Variants in RABEP1 observed in about 807,000 individuals in gnomAD.
RABEP1 encodes rab GTPase-binding effector protein 1.
In RABEP1, 51 loss-of-function variants were observed where a neutral mutation model predicts 123.4. That is an observed-to-expected ratio of 0.41 (90% CI 0.33 to 0.52). The LOEUF (loss-of-function observed/expected upper bound fraction) is 0.52, where lower values mean the gene tolerates loss of function less well. RABEP1 is among the 20% of genes least tolerant of loss of function. RABEP1 has a pLI of 0.16. For synonymous variants in RABEP1, 347 were observed against 355.2 expected (o/e 0.98, Z 0.26); for missense variants, 888 against 996.3 (o/e 0.89, Z 1.46).
chr17:5,295,514 C>A (rs972997315), intron 1 of RABEP1, among the ~76,000 whole-genome samples: 1 of 151,776 alleles, frequency 6.6e-6, no homozygotes, highest in Non-Finnish European at 1.5e-5. Flanking sequence ...TCAAAGGACA[C>A]TGCGGCAAAC....
At chr17:5,302,339 C>A (rs1444849402) in intron 1 of RABEP1, among the ~76,000 whole-genome samples, 1 of 146,352 alleles carries the variant, frequency 6.8e-6, no homozygotes, top group Non-Finnish European at 1.5e-5. Flanking sequence ...CTCCCCAGTT[C>A]AAGCAATTCT....
rs142290224 is a variant in RABEP1, at chr17:5,323,255, T to C, written c.164-8694T>C. On this transcript the variant is annotated intron_variant, in intron 2 of 17. Coordinates refer to ENST00000537505, the MANE Select transcript of RABEP1 (RefSeq NM_004703.6). The stretch of plus-strand genomic sequence containing the variant: ...CATGACAAACCCACAACTAGCATCA[T>C]ACTGGATGGGGAAGAGTTGAAGGCC... Among the ~76,000 whole-genome samples, 26 of 152,254 alleles carry C rather than the reference T, an allele frequency of 1.7e-4. No homozygotes were observed. In the South Asian group the frequency reaches 2.9e-3, roughly 17 times the overall value.
In RABEP1 at chr17:5,373,393, A is replaced by G. The variant is rs1470825390; in HGVS notation, c.1964A>G (p.Lys655Arg). 3 of 1,613,340 alleles carry G rather than the reference A, an allele frequency of 1.9e-6. No individual in the cohort carries two copies. Among genetic ancestry groups the G allele is most frequent in the East Asian group, 4.5e-5 (2 of 44,816 alleles). ...AAAGATAATGACAGTCTCCAGGGAA[A>G]GCACAGCCTGCATGTGTCATTACAG... ...LQKDNDSLQG[K>R]HSLHVSLQQA... The change falls in exon 13 of 18, where the codon AAG (lysine) becomes AGG (arginine). Residue 655 changes from lysine to arginine, a missense_variant. Physicochemically the swap from Lys to Arg is conservative, Grantham distance 26. Transcript: ENST00000537505.
At chr17:5,324,300 C>T (rs779895841) in intron 2 of RABEP1, among the ~76,000 whole-genome samples, 8 of 152,108 alleles carry the variant, frequency 5.3e-5, no homozygotes, top group Non-Finnish European at 1.0e-4. Flanking sequence ...GCAGTCAACT[C>T]ATCTGCAACA....
In RABEP1 at chr17:5,339,502, CTG is replaced by C. The variant is rs1907389643; in HGVS notation, c.648+1366_648+1367del. Among the ~76,000 whole-genome samples, 6 of 152,216 alleles carry C rather than the reference CTG, an allele frequency of 3.9e-5. No homozygotes were observed. In the South Asian group the frequency reaches 1.2e-3, roughly 32 times the overall value. Reference sequence around the variant, plus strand: ...CCAGTCTACGTGATAGAGTGAGACTCTGTCTTAAAAGAAGCCTGGGCGCGGTG... The same window carrying C: ...CCAGTCTACGTGATAGAGTGAGACTCTCTTAAAAGAAGCCTGGGCGCGGTG... On this transcript the variant is annotated intron_variant, in intron 5 of 17. Coordinates refer to ENST00000537505, the MANE Select transcript of RABEP1 (RefSeq NM_004703.6).
chr17:5,386,314 A>G lies in RABEP1; in HGVS notation c.*3091A>G. 1 of 1,365,088 alleles carries G rather than the reference A, an allele frequency of 7.3e-7. No individual in the cohort carries two copies. The highest frequency in any genetic ancestry group is 1.0e-6 in the Non-Finnish European group (1 of 972,242). The allele number at this position is 1,365,088 out of a possible 1,614,324, so 84.6% of individuals were successfully genotyped here. On this transcript the variant is annotated 3_prime_UTR_variant, in exon 18 of 18. Coordinates refer to ENST00000537505, the MANE Select transcript of RABEP1 (RefSeq NM_004703.6). Reference sequence around the variant, plus strand: ...CTCACTTTTGGAATTATAATAAACCATTTATATGGATTCTTAAGAATTTAA... The same window carrying G: ...CTCACTTTTGGAATTATAATAAACCGTTTATATGGATTCTTAAGAATTTAA...
At position 5,355,502 on chromosome 17, in the gene RABEP1, CCT is replaced by C. The variant is rs1197827764; in HGVS notation, c.1095+1017_1095+1018del. Among the ~76,000 whole-genome samples the C allele has an allele frequency of 9.2e-5, 14 of 152,186 alleles. 1 individual carries two copies. Among genetic ancestry groups the C allele is most frequent in the African/African-American group, 3.4e-4 (14 of 41,434 alleles). On this transcript the variant is annotated intron_variant, in intron 8 of 17. Transcript: ENST00000537505. ...TTCCAGCCTCACTTACTGCTCTCCA[CCT>C]CTCTGTAGCCAGACCTGTGCACTTA...
intron 1 of RABEP1, among the ~76,000 whole-genome samples, chr17:5,294,633 C>CTTTTTTTTTTTTTTTTTT (rs1185209680): frequency 1.1e-4 from 6 of 53,026 alleles, no homozygotes; most frequent in Non-Finnish European, 1.7e-4. Context: ...ACGGTATTGT[C>CTTTTTTTTTTTTTTTTTT]TTTTTTTTTT....
intron 15 of RABEP1, 74 bp from the exon 16 acceptor site, chr17:5,380,290 T>G: frequency 1.0e-6 from 1 of 989,992 alleles, no homozygotes. Flanking sequence ...TTCTCCAGGC[T>G]CTAGGCTCTT....
intron 13 of RABEP1, among the ~76,000 whole-genome samples, chr17:5,374,507 G>T (rs1343260993): frequency 6.6e-6 from 1 of 151,748 alleles, no homozygotes; most frequent in African/African-American, 2.4e-5. Flanking sequence ...TGTGATCTTG[G>T]CTCACTGCAA....
chr17:5,381,281 A>C, intron 16 of RABEP1, 108 bp from the exon 17 acceptor site: 1 of 1,497,232 alleles, frequency 6.7e-7, no homozygotes, highest in African/African-American at 1.4e-5. Flanking sequence ...AGTGCGACGG[A>C]TATCCACCCA....
intron 6 of RABEP1, among the ~76,000 whole-genome samples, chr17:5,347,239 G>A (rs1053125959): frequency 1.3e-5 from 2 of 152,042 alleles, no homozygotes; most frequent in Admixed American, 6.6e-5. Context: ...GCGAAAACCC[G>A]TCTCTACTGC....
intron 11 of RABEP1, among the ~76,000 whole-genome samples, chr17:5,365,589 C>T (rs909598544): frequency 1.3e-5 from 2 of 151,794 alleles, no homozygotes; most frequent in South Asian, 2.1e-4. Context: ...AAAACATATA[C>T]AGATACACCA....
At position 5,361,626 on chromosome 17, in the gene RABEP1, G is replaced by A; in HGVS notation, c.1514G>A (p.Ser505Asn). ...QGMESAYVSP[S>N]GYRLVSETEW... ...ATGGAGAGTGCCTATGTGTCCCCTA[G>A]TGGTTATCGTTTAGTTAGTGAAACA... The change falls in exon 9 of 18, where the codon AGT (serine) becomes AAT (asparagine). Residue 505 changes from serine to asparagine, a missense_variant. Coordinates refer to ENST00000537505, the MANE Select transcript of RABEP1 (RefSeq NM_004703.6). 6.2e-7 allele frequency: 1 copy of A among 1,611,890 alleles called. No individual in the cohort carries two copies. Among genetic ancestry groups the A allele is most frequent in the Non-Finnish European group, 8.5e-7 (1 of 1,179,370 alleles).
chr17:5,373,578 A>C, intron 13 of RABEP1, 124 bp downstream of exon 13: 1 of 1,122,014 alleles, frequency 8.9e-7, no homozygotes. Context: ...TTTAAAATGT[A>C]CCATTCAGTG....
intron 12 of RABEP1, 106 bp from the exon 13 acceptor site, chr17:5,373,208 G>C (rs758840544): frequency 3.3e-5 from 34 of 1,031,208 alleles, no homozygotes; most frequent in Non-Finnish European, 4.5e-5. Flanking sequence ...ACCATACCCC[G>C]TCCATCCTCA....
At chr17:5,383,074 A>G (rs780081004) in intron 17 of RABEP1, 48 bp from the exon 18 acceptor site, 2 of 1,542,804 alleles carry the variant, frequency 1.3e-6, no homozygotes, top group East Asian at 4.5e-5. Flanking sequence ...AAAGTTCAGA[A>G]AATCTAGGCA....
intron 8 of RABEP1, among the ~76,000 whole-genome samples, chr17:5,360,430 C>T (rs965453349): frequency 7.9e-5 from 12 of 152,170 alleles, no homozygotes; most frequent in Non-Finnish European, 5.9e-5. Flanking sequence ...GGCGAGGTGG[C>T]GGGCACCTGT....
rs780314100 is a variant in RABEP1 at position 5,361,301 on chromosome 17, A to G, written c.1189A>G (p.Met397Val). The G allele has an allele frequency of 1.9e-6, 3 of 1,614,144 alleles. No individual in the cohort carries two copies. Among genetic ancestry groups the G allele is most frequent in the East Asian group, 2.2e-5 (1 of 44,882 alleles). ...GDPFSKSDNDMFKDGLRRAQS... is the reference protein window; with the variant it reads ...GDPFSKSDNDVFKDGLRRAQS... ...TCCTTTCAGTAAATCGGACAATGAC[A>G]TGTTTAAAGATGGACTCAGGAGAGC... Residue 397 changes from methionine (M) to valine (V), a missense_variant, in exon 9 of 18, where the codon ATG (methionine) becomes GTG (valine). Transcript: ENST00000537505.
Sources: gnomAD v4.1 joint callset for allele counts (sites outside exome capture counted in the v4.1 genomes callset) on GRCh38, gnomAD v4.1.1 for gene constraint, MANE v1.5 for transcripts, NCBI Gene and HGNC (gene_info 2026-07-23, HGNC 2026-07-21) for gene names.